The following GRIP1 variants were observed in gnomAD, a reference collection of about 807,000 sequenced individuals.
GRIP1 encodes the protein glutamate receptor-interacting protein 1.
GRIP1 carries 45 observed loss-of-function variants against 129.9 expected under a neutral mutation model. The ratio of observed to expected loss-of-function variants is 0.35; its 90% CI spans 0.27 to 0.44. The LOEUF (loss-of-function observed/expected upper bound fraction) is 0.44, where lower values mean the gene tolerates loss of function less well. GRIP1 is among the 20% of genes least tolerant of loss of function. The pLI is 1.00. For missense variants in GRIP1, 1,196 were observed against 1,396.8 expected (o/e 0.86, Z 2.29); for synonymous variants, 530 against 520.8 (o/e 1.02, Z -0.24).
At chr12:66,898,381 G>A (rs879812164) in intron 1 of GRIP1, among the ~76,000 whole-genome samples, 1 of 152,132 alleles carries the variant, frequency 6.6e-6, no homozygotes, top group Non-Finnish European at 1.5e-5. Context: ...TGTCCTCGAT[G>A]GGGAGAGAGA....
intron 1 of GRIP1, among the ~76,000 whole-genome samples, chr12:66,965,549 T>TTG (rs368637185): frequency 0.16 from 21,101 of 127,956 alleles, 1,784 homozygotes; most frequent in Middle Eastern, 0.25. Flanking sequence ...AAAAGAAACA[T>TTG]TGTGTGTGTG....
chr12:66,712,990 T>C (rs2035759499), intron 1 of GRIP1, among the ~76,000 whole-genome samples: 1 of 152,026 alleles, frequency 6.6e-6, no homozygotes, highest in Non-Finnish European at 1.5e-5. Flanking sequence ...GTCTAAAGCA[T>C]GATGAGTGAA....
intron 1 of GRIP1, among the ~76,000 whole-genome samples, chr12:66,991,195 C>A (rs966779009): frequency 2.0e-5 from 3 of 152,072 alleles, no homozygotes; most frequent in African/African-American, 7.2e-5. Context: ...ATGGCATGAA[C>A]CCGGGAGGCA....
intron 2 of GRIP1, among the ~76,000 whole-genome samples, chr12:66,587,377 G>T (rs2063680930): frequency 6.6e-6 from 1 of 152,200 alleles, no homozygotes. Flanking sequence ...TCTGAGCATG[G>T]ACCCCATAAC....
intron 1 of GRIP1, among the ~76,000 whole-genome samples, chr12:66,830,257 T>C (rs567944762): frequency 1.1e-4 from 17 of 152,242 alleles, no homozygotes; most frequent in African/African-American, 2.2e-4. Flanking sequence ...TTACCTTACA[T>C]GGTAAAAGGG....
intron 1 of GRIP1, among the ~76,000 whole-genome samples, chr12:66,684,177 T>A (rs2034691782): frequency 2.0e-5 from 3 of 152,210 alleles, no homozygotes; most frequent in African/African-American, 7.2e-5. Flanking sequence ...AATACAATTG[T>A]ACAATTTGAC....
At chr12:66,879,533 C>A (rs918946450) in intron 1 of GRIP1, among the ~76,000 whole-genome samples, 34 of 152,020 alleles carry the variant, frequency 2.2e-4, no homozygotes, top group Admixed American at 2.2e-3. Flanking sequence ...ACTCCAAAGA[C>A]CATATGTGAA....
At chr12:66,920,712 T>G (rs970771613) in intron 1 of GRIP1, among the ~76,000 whole-genome samples, 2 of 152,170 alleles carry the variant, frequency 1.3e-5, no homozygotes, top group African/African-American at 4.8e-5. Context: ...CCAAAAGGCT[T>G]TCCTTAAAAC....
intron 2 of GRIP1, among the ~76,000 whole-genome samples, chr12:66,545,978 T>C (rs2061935576): frequency 6.6e-6 from 1 of 152,186 alleles, no homozygotes; most frequent in African/African-American, 2.4e-5. Flanking sequence ...AACATGTGCA[T>C]GGACTGGGAG....
chr12:66,561,933 A>G (rs1337408777), intron 2 of GRIP1, among the ~76,000 whole-genome samples: 1 of 151,872 alleles, frequency 6.6e-6, no homozygotes, highest in African/African-American at 2.4e-5. Context: ...GTCTCTACAA[A>G]AAGATTTAAA....
At chr12:66,549,207 G>A (rs570027125) in intron 2 of GRIP1, among the ~76,000 whole-genome samples, 6 of 152,180 alleles carry the variant, frequency 3.9e-5, no homozygotes, top group African/African-American at 9.6e-5. Context: ...CTGGATGAAC[G>A]AGCACATCAG....
intron 2 of GRIP1, among the ~76,000 whole-genome samples, chr12:66,593,469 A>T (rs1255370293): frequency 2.0e-5 from 3 of 152,214 alleles, no homozygotes; most frequent in Middle Eastern, 3.2e-3. Context: ...GTTACTCTGT[A>T]TTAGTCATGG....
At chr12:66,378,141 T>C (rs905897882) in intron 20 of GRIP1, among the ~76,000 whole-genome samples, 1 of 151,950 alleles carries the variant, frequency 6.6e-6, no homozygotes, top group African/African-American at 2.4e-5. Context: ...TGAAACTAAC[T>C]TTTAAAAGAA....
intron 17 of GRIP1, among the ~76,000 whole-genome samples, chr12:66,393,250 C>A (rs995371930): frequency 2.4e-5 from 3 of 127,538 alleles, no homozygotes; most frequent in African/African-American, 8.7e-5. Flanking sequence ...ACGATCTTGG[C>A]TCACTGCAAC....
At position 66,444,688 on chromosome 12, in the gene GRIP1, T is replaced by A; in HGVS notation, c.1583A>T (p.Asn528Ile). 6.2e-7 allele frequency: 1 copy of A among 1,614,038 alleles called. No homozygotes were observed. Among genetic ancestry groups the A allele is most frequent in the Non-Finnish European group, 8.5e-7 (1 of 1,179,932 alleles). ...LQIGDRVMAI[N>I]GIPTEDSTFE... ...GGTGCTGTCTTCTGTTGGAATTCCA[T>A]TGATGGCCATCACTCTGTCTCCAAT... is the stretch of plus-strand genomic sequence containing the variant. Residue 528 changes from asparagine to isoleucine, a missense_variant, in exon 13 of 25, where the codon AAT becomes ATT. Physicochemically the swap from Asn to Ile is moderately radical, Grantham distance 149. Coordinates refer to ENST00000359742, the MANE Select transcript of GRIP1 (RefSeq NM_001366722.1).
chr12:67,004,802 T>G (rs1213893225), intron 1 of GRIP1, among the ~76,000 whole-genome samples: 1 of 152,172 alleles, frequency 6.6e-6, no homozygotes, highest in Admixed American at 6.6e-5. Context: ...ACGGAATTCA[T>G]TTTGAGAAAA....
intron 1 of GRIP1, among the ~76,000 whole-genome samples, chr12:66,614,438 A>G (rs80179001): frequency 0.01 from 1,544 of 152,142 alleles, 14 homozygotes; most frequent in Non-Finnish European, 0.017. Flanking sequence ...TCTTGCCCTT[A>G]CATTCTGCCC....
intron 14 of GRIP1, among the ~76,000 whole-genome samples, chr12:66,421,031 A>T (rs535559342): frequency 2.0e-5 from 3 of 152,346 alleles, no homozygotes; most frequent in Non-Finnish European, 4.4e-5. Context: ...GCAATTGGAT[A>T]AGTACCCATT....
At position 66,463,077 on chromosome 12, in the gene GRIP1, C is replaced by A. The variant is rs2059181745; in HGVS notation, c.889G>T (p.Val297Leu). The stretch of plus-strand genomic sequence containing the variant: ...TCGATGGAGAGGATGTGATCTCCCA[C>A]ATGCAATGCGCCACATCTACGGAAA... ...SIADRCGALH[V>L]GDHILSIDGT... The change falls in exon 9 of 25, where the codon GTG (valine) becomes TTG (leucine). Residue 297 changes from valine (V) to leucine (L), a missense_variant. Physicochemically the swap from Val to Leu is conservative, Grantham distance 32. Coordinates refer to ENST00000359742, the MANE Select transcript of GRIP1 (RefSeq NM_001366722.1). 2 of 1,613,874 alleles carry A rather than the reference C, an allele frequency of 1.2e-6. No homozygotes were observed. The highest frequency in any genetic ancestry group is 1.6e-4 in the Middle Eastern group (1 of 6,084).
Sources: gnomAD v4.1 joint callset for allele counts (sites outside exome capture counted in the v4.1 genomes callset) on GRCh38, gnomAD v4.1.1 for gene constraint, MANE v1.5 for transcripts, NCBI Gene and HGNC (gene_info 2026-07-23, HGNC 2026-07-21) for gene names.